YPEL2: variants seen among roughly 807,000 people sequenced by gnomAD.
YPEL2 encodes the protein yippee like 2.
Under a neutral mutation model 19.1 loss-of-function variants are expected in YPEL2, and 2 were observed. That is an observed-to-expected ratio of 0.10 (90% CI 0.04 to 0.33). YPEL2 has a LOEUF of 0.33. Ranked by LOEUF, YPEL2 falls within the 10% of genes least tolerant of loss-of-function variation. The probability of loss-of-function intolerance (pLI) is 1.00; values close to 1 mark genes in which losing one functional copy is unlikely to be tolerated. For synonymous variants in YPEL2, 52 were observed against 50.0 expected (o/e 1.04, Z -0.17); for missense variants, 66 against 140.7 (o/e 0.47, Z 2.68).
At chr17:59,351,495 G>C (rs1435544230) in intron 1 of YPEL2, among the ~76,000 whole-genome samples, 2 of 152,124 alleles carry the variant, frequency 1.3e-5, no homozygotes, top group Admixed American at 1.3e-4. Flanking sequence ...TCTTCTGTGG[G>C]CTGTTTTGTC....
chr17:59,343,784 T>A (rs931393030), intron 1 of YPEL2, among the ~76,000 whole-genome samples: 1 of 152,026 alleles, frequency 6.6e-6, no homozygotes, highest in Non-Finnish European at 1.5e-5. Context: ...CACTGGAGGT[T>A]TTGAAATGTG....
chr17:59,338,871 G>C (rs2047712838), intron 1 of YPEL2, among the ~76,000 whole-genome samples: 1 of 152,182 alleles, frequency 6.6e-6, no homozygotes, highest in African/African-American at 2.4e-5. Flanking sequence ...TCAGGATGGG[G>C]AATTTGTAAC....
chr17:59,355,009 T>G (rs965283678), intron 2 of YPEL2: 4 of 151,574 alleles, frequency 2.6e-5, no homozygotes, highest in African/African-American at 9.7e-5. Flanking sequence ...TCCAGAGAAA[T>G]TATTTGCCTG....
intron 2 of YPEL2, among the ~76,000 whole-genome samples, chr17:59,387,667 T>TA (rs1186411017): frequency 1.3e-5 from 2 of 152,132 alleles, no homozygotes; most frequent in Non-Finnish European, 2.9e-5. Context: ...AGAAAGAAAC[T>TA]AATATGTAAG....
At chr17:59,359,217 C>A (rs1352094048) in intron 2 of YPEL2, among the ~76,000 whole-genome samples, 1 of 152,204 alleles carries the variant, frequency 6.6e-6, no homozygotes, top group Admixed American at 6.5e-5. Context: ...ACCCACTGCA[C>A]CCAGCCAGTT....
intron 1 of YPEL2, among the ~76,000 whole-genome samples, chr17:59,347,191 C>T (rs151328320): frequency 3.3e-5 from 5 of 152,306 alleles, no homozygotes; most frequent in African/African-American, 9.6e-5. Context: ...ATTATTGTCT[C>T]TATTTTTTGT....
At chr17:59,342,606 A>G (rs1160272988) in intron 1 of YPEL2, among the ~76,000 whole-genome samples, 2 of 152,162 alleles carry the variant, frequency 1.3e-5, no homozygotes, top group African/African-American at 2.4e-5. Context: ...TCATGGGAAA[A>G]ATCTATTTGT....
chr17:59,353,487 C>T lies in YPEL2; in HGVS notation c.78C>T (p.Cys26=). The T allele has an allele frequency of 1.2e-6, 2 of 1,614,110 alleles. No homozygotes were observed. Among genetic ancestry groups the T allele is most frequent in the South Asian group, 1.1e-5 (1 of 91,076 alleles). The part of the protein sequence containing the change: ...SCHRTYSCIH[C]RAHLANHDEL... ...ACCGGACCTACAGCTGCATTCACTGCAGAGCTCACTTGGCCAATCATGATG... is the reference window on the plus strand; with the variant it reads ...ACCGGACCTACAGCTGCATTCACTGTAGAGCTCACTTGGCCAATCATGATG... The change falls in exon 2 of 5, where the codon TGC becomes TGT. Residue 26 remains cysteine, a synonymous_variant. Transcript: ENST00000312655. This position sits in a 1 kb window ranked among gnomAD's most constrained non-coding sequence, Gnocchi z 4.8.
In YPEL2 at chr17:59,397,742, G is replaced by A. The variant is rs1201604429; in HGVS notation, c.*552G>A. ...ATGACTGCATTCTCTCTGACTAGAA[G>A]CTTCTGTTCCTGACACCAAATGTGC... On this transcript the variant is annotated 3_prime_UTR_variant, in exon 5 of 5. Transcript: ENST00000312655. 1 of 152,292 alleles carries A rather than the reference G, an allele frequency of 6.6e-6. No individual in the cohort carries two copies. Among genetic ancestry groups the A allele is most frequent in the East Asian group, 1.9e-4 (1 of 5,198 alleles). 9.4% of individuals were successfully genotyped at this position (152,292 alleles called of 1,614,324 possible).
At chr17:59,334,939 G>C (rs1173633267) in intron 1 of YPEL2, among the ~76,000 whole-genome samples, 13 of 152,350 alleles carry the variant, frequency 8.5e-5, no homozygotes, top group Admixed American at 4.6e-4. Context: ...AGGAAGAGAT[G>C]TTGAAGTGAG....
At position 59,400,268 on chromosome 17, in the gene YPEL2, C is replaced by T. The variant is rs1391710804; in HGVS notation, c.*3078C>T. The T allele has an allele frequency of 1.3e-5, 2 of 152,490 alleles. No homozygotes were observed. The highest frequency in any genetic ancestry group is 2.9e-5 in the Non-Finnish European group (2 of 68,028). The allele number at this position is 152,490 out of a possible 1,614,324, so 9.4% of individuals were successfully genotyped here. On this transcript the variant is annotated 3_prime_UTR_variant, in exon 5 of 5. Transcript: ENST00000312655. ...ATCAGTGTGTGCGAAAGAGATGACCCTTTATAAAGAGATTTTCAAGTGGAT... is the reference window on the plus strand; with the variant it reads ...ATCAGTGTGTGCGAAAGAGATGACCTTTTATAAAGAGATTTTCAAGTGGAT...
At chr17:59,336,575 A>G (rs1319332088) in intron 1 of YPEL2, among the ~76,000 whole-genome samples, 1 of 152,346 alleles carries the variant, frequency 6.6e-6, no homozygotes, top group African/African-American at 2.4e-5. Context: ...GGTACTAATA[A>G]TAGTTTGCAT....
At chr17:59,389,202 C>T (rs946461615) in intron 3 of YPEL2, 158 bp from the exon 4 acceptor site, 2 of 581,538 alleles carry the variant, frequency 3.4e-6, no homozygotes, top group Non-Finnish European at 6.1e-6. Context: ...AGATATTTCC[C>T]TGTGGCCACC....
chr17:59,340,681 C>T (rs1414110937), intron 1 of YPEL2, among the ~76,000 whole-genome samples: 1 of 151,496 alleles, frequency 6.6e-6, no homozygotes, highest in Non-Finnish European at 1.5e-5. Context: ...TTTCAAAGTG[C>T]TGGGATTACA....
At chr17:59,332,162 T>G (rs1252746796) in intron 1 of YPEL2, among the ~76,000 whole-genome samples, 1 of 151,720 alleles carries the variant, frequency 6.6e-6, no homozygotes, top group East Asian at 2.0e-4. Context: ...GGTGCGGAGC[T>G]GGAATCGCCG....
At chr17:59,387,160 G>T (rs1429287956) in intron 2 of YPEL2, among the ~76,000 whole-genome samples, 2 of 151,066 alleles carry the variant, frequency 1.3e-5, no homozygotes, top group East Asian at 3.9e-4. Flanking sequence ...CTCAGGAGGC[G>T]GAGGCAGGAC....
intron 4 of YPEL2, among the ~76,000 whole-genome samples, chr17:59,394,036 T>C (rs980261112): frequency 2.6e-5 from 4 of 152,338 alleles, no homozygotes; most frequent in East Asian, 1.9e-4. Flanking sequence ...GGGTACACCT[T>C]CCAGACGGGG....
intron 1 of YPEL2, among the ~76,000 whole-genome samples, chr17:59,350,203 T>G (rs958706766): frequency 1.2e-4 from 19 of 152,140 alleles, no homozygotes; most frequent in Non-Finnish European, 1.5e-5. Flanking sequence ...CTCAAGTAGC[T>G]GGGATCACAG....
intron 4 of YPEL2, among the ~76,000 whole-genome samples, chr17:59,393,665 C>G (rs1320698306): frequency 6.8e-6 from 1 of 147,218 alleles, no homozygotes; most frequent in African/African-American, 2.5e-5. Context: ...CTGCGGCCTT[C>G]CGCAGTGTTT....
Sources: gnomAD v4.1 joint callset for allele counts (sites outside exome capture counted in the v4.1 genomes callset) on GRCh38, gnomAD v4.1.1 for gene constraint, Gnocchi (gnomAD v3.1) non-coding constraint, MANE v1.5 for transcripts, NCBI Gene and HGNC (gene_info 2026-07-23, HGNC 2026-07-21) for gene names.